IMPG1: variants seen among roughly 807,000 people sequenced by gnomAD.
IMPG1 encodes the protein interphotoreceptor matrix proteoglycan 1.
IMPG1 carries 85 observed loss-of-function variants against 92.0 expected under a neutral mutation model. The observed-to-expected ratio is 0.92, with a 90% CI of 0.78 to 1.11. The LOEUF is 1.11. Ranked by LOEUF, IMPG1 falls within the 50% of genes least tolerant of loss-of-function variation. IMPG1 has a pLI of 0.00. For missense variants in IMPG1, 1,022 were observed against 956.0 expected (o/e 1.07, Z -0.91); for synonymous variants, 367 against 334.1 (o/e 1.10, Z -1.08).
chr6:76,040,518 C>T (rs537840319), intron 2 of IMPG1, among the ~76,000 whole-genome samples: 153 of 152,256 alleles, frequency 1.0e-3, no homozygotes, highest in African/African-American at 3.4e-3. Context: ...TCTATTTTCC[C>T]AATGGGCTCT....
At chr6:75,970,374 T>G (rs572887546) in intron 12 of IMPG1, among the ~76,000 whole-genome samples, 61 of 152,014 alleles carry the variant, frequency 4.0e-4, no homozygotes, top group Non-Finnish European at 6.9e-4. Flanking sequence ...CTTAAAGCAC[T>G]AAAGGCCATT....
At chr6:76,052,865 G>A (rs1004297152) in intron 1 of IMPG1, among the ~76,000 whole-genome samples, 1 of 152,164 alleles carries the variant, frequency 6.6e-6, no homozygotes, top group Non-Finnish European at 1.5e-5. Context: ...AACAGAATGT[G>A]AAACTGAGGT....
chr6:76,070,797 T>C (rs985893226), intron 1 of IMPG1, among the ~76,000 whole-genome samples: 3 of 151,774 alleles, frequency 2.0e-5, no homozygotes, highest in East Asian at 3.9e-4. Context: ...AGTGGAACAA[T>C]AGACACTGGG....
chr6:76,010,744 C>G (rs1783169622), intron 8 of IMPG1, among the ~76,000 whole-genome samples: 1 of 152,180 alleles, frequency 6.6e-6, no homozygotes, highest in Non-Finnish European at 1.5e-5. Flanking sequence ...TCTTGGGAAG[C>G]ATGGTTTGTT....
intron 8 of IMPG1, 69 bp from the exon 9 acceptor site, chr6:76,007,569 T>C (rs1783119344): frequency 1.9e-6 from 2 of 1,057,552 alleles, no homozygotes; most frequent in Non-Finnish European, 2.8e-6. Flanking sequence ...ATTGAGACAT[T>C]CAATGAATTA....
intron 8 of IMPG1, among the ~76,000 whole-genome samples, chr6:76,009,458 G>A (rs1319925284): frequency 1.3e-5 from 2 of 152,078 alleles, no homozygotes; most frequent in African/African-American, 4.8e-5. Context: ...CAGGGATCTG[G>A]CCCACAAAAA....
chr6:76,006,529 C>A (rs536086418), intron 9 of IMPG1, among the ~76,000 whole-genome samples: 1 of 146,794 alleles, frequency 6.8e-6, no homozygotes, highest in African/African-American at 2.5e-5. Flanking sequence ...GGTATATATA[C>A]GTGTGTGTGT....
At chr6:76,062,598 C>T (rs772970537) in intron 1 of IMPG1, among the ~76,000 whole-genome samples, 15 of 152,228 alleles carry the variant, frequency 9.9e-5, no homozygotes, top group Admixed American at 7.2e-4. Context: ...TAAAATGAAA[C>T]GTTGAATTTA....
Position 76,005,372 on chromosome 6 carries a change from G to C in IMPG1, c.1050C>G (p.Leu350=). 1.2e-6 allele frequency: 2 copies of C among 1,613,968 alleles called. No individual in the cohort carries two copies. Among genetic ancestry groups the C allele is most frequent in the Non-Finnish European group, 1.7e-6 (2 of 1,179,862 alleles). The change falls in exon 10 of 17, where the codon CTC becomes CTG. Residue 350 remains leucine, a synonymous_variant. Coordinates refer to ENST00000369950, the MANE Select transcript of IMPG1 (RefSeq NM_001563.4). Reference sequence around the variant, plus strand: ...TCAGCCTTTTGAGGTCTGTAGCTGTGAGATAGATTTCTGGTTGCTTGTCCT... The same window carrying C: ...TCAGCCTTTTGAGGTCTGTAGCTGTCAGATAGATTTCTGGTTGCTTGTCCT... ...MEEDKQPEIY[L]TATDLKRLIS...
chr6:76,034,584 G>T, intron 3 of IMPG1, 37 bp downstream of exon 3: 1 of 1,605,568 alleles, frequency 6.2e-7, no homozygotes, highest in Non-Finnish European at 8.5e-7. Context: ...AACTGTTCGT[G>T]CAGTGTTCCA....
chr6:76,058,906 G>T (rs1582136096), intron 1 of IMPG1, among the ~76,000 whole-genome samples: 1 of 152,270 alleles, frequency 6.6e-6, no homozygotes, highest in South Asian at 2.1e-4. Flanking sequence ...CAATGGGACA[G>T]AGGTCAAAGA....
chr6:75,957,697 G>A (rs1026317359), intron 12 of IMPG1, among the ~76,000 whole-genome samples: 1 of 152,148 alleles, frequency 6.6e-6, no homozygotes, highest in Non-Finnish European at 1.5e-5. Context: ...TTGGTTTAAA[G>A]TCTGTTTTAT....
At chr6:75,962,635 G>A (rs1782228501) in intron 12 of IMPG1, among the ~76,000 whole-genome samples, 1 of 152,140 alleles carries the variant, frequency 6.6e-6, no homozygotes, top group African/African-American at 2.4e-5. Flanking sequence ...GAAGACAGCG[G>A]TCCAAAAGTC....
At chr6:75,935,508 C>G (rs991825785) in intron 14 of IMPG1, among the ~76,000 whole-genome samples, 6 of 152,194 alleles carry the variant, frequency 3.9e-5, no homozygotes, top group African/African-American at 1.2e-4. Flanking sequence ...TTCGCTCGCT[C>G]CTGCTGGCTG....
chr6:75,939,455 G>GT (rs1327528531), intron 14 of IMPG1, among the ~76,000 whole-genome samples: 1 of 151,996 alleles, frequency 6.6e-6, no homozygotes, highest in East Asian at 1.9e-4. Context: ...GTGGTGTTTG[G>GT]TTTTTTGTCC....
chr6:76,024,383 T>C (rs1370171032), intron 5 of IMPG1, among the ~76,000 whole-genome samples: 2 of 107,340 alleles, frequency 1.9e-5, no homozygotes, highest in Non-Finnish European at 4.3e-5. Context: ...ATTGTGTATA[T>C]TTAAAAGTAT....
chr6:75,972,168 G>T (rs920914174), intron 12 of IMPG1, among the ~76,000 whole-genome samples: 1 of 152,088 alleles, frequency 6.6e-6, no homozygotes, highest in African/African-American at 2.4e-5. Context: ...TTGTTGTGCA[G>T]TACTGTCCTG....
At chr6:76,034,839 A>G (rs574022611) in intron 2 of IMPG1, 52 bp from the exon 3 acceptor site, 5 of 1,481,878 alleles carry the variant, frequency 3.4e-6, no homozygotes, top group African/African-American at 1.4e-5. Context: ...CCCGTACCCA[A>G]TCCCAAGCAA....
intron 1 of IMPG1, among the ~76,000 whole-genome samples, chr6:76,051,150 C>T (rs976953888): frequency 6.6e-6 from 1 of 151,948 alleles, no homozygotes; most frequent in African/African-American, 2.4e-5. Context: ...ATTTTTCTAA[C>T]CTTACTAAAA....
Sources: allele counts gnomAD v4.1 joint callset (sites outside exome capture counted in the v4.1 genomes callset), GRCh38; gene constraint gnomAD v4.1.1; transcripts MANE v1.5; gene names NCBI Gene and HGNC (gene_info 2026-07-23, HGNC 2026-07-21).